Variants in ETS1 observed in about 807,000 individuals in gnomAD.
ETS1 encodes the protein protein C-ets-1.
A neutral mutation model predicts 58.6 loss-of-function variants in ETS1; 15 were observed. The ratio of observed to expected loss-of-function variants is 0.26; its 90% CI spans 0.17 to 0.39. ETS1 has a LOEUF of 0.39. Ranked by LOEUF, ETS1 falls within the 10% of genes least tolerant of loss-of-function variation. The pLI is 1.00. For missense variants in ETS1, 417 were observed against 610.5 expected, an observed-to-expected ratio of 0.68 and a Z score of 3.34; for synonymous variants, 214 against 218.2, an observed-to-expected ratio of 0.98 and a Z score of 0.17.
intron 1 of ETS1, among the ~76,000 whole-genome samples, chr11:128,585,065 A>G (rs1286242942): frequency 0.012 from 339 of 28,172 alleles, 73 homozygotes; most frequent in African/African-American, 0.014. Context: ...AGAAAGAAAG[A>G]AAGAAAGAAA....
At position 128,462,493 on chromosome 11, in the gene ETS1, G is replaced by A. The variant is rs963014531; in HGVS notation, c.1326C>T (p.Asp442=). 4 of 1,614,056 alleles carry A rather than the reference G, an allele frequency of 2.5e-6. No homozygotes were observed. Among genetic ancestry groups the A allele is most frequent in the African/African-American group, 2.7e-5 (2 of 74,932 alleles). ...KLSRGLRYYY[D]KNIIHKTAGK... is the part of the protein sequence containing the mutation. ...CCGCTGTCTTGTGGATGATGTTTTTGTCGTAATAGTAGCGTAGGCCACGGC... is the reference window on the plus strand; with the variant it reads ...CCGCTGTCTTGTGGATGATGTTTTTATCGTAATAGTAGCGTAGGCCACGGC... Residue 442 remains aspartate, a synonymous_variant, in exon 10 of 10, where the codon GAC becomes GAT. Transcript: ENST00000392668.
At chr11:128,557,544 A>T (rs1864331493) in intron 2 of ETS1, among the ~76,000 whole-genome samples, 1 of 152,228 alleles carries the variant, frequency 6.6e-6, no homozygotes, top group Non-Finnish European at 1.5e-5. Flanking sequence ...GATCCTTAAC[A>T]TTCCTGGAAA....
intron 3 of ETS1, among the ~76,000 whole-genome samples, chr11:128,511,794 T>C (rs971236955): frequency 1.3e-5 from 2 of 152,236 alleles, no homozygotes; most frequent in Non-Finnish European, 2.9e-5. Flanking sequence ...TGAACTCAAA[T>C]GTCAGGGGAT....
chr11:128,559,091 G>T (rs1489524900), intron 2 of ETS1, among the ~76,000 whole-genome samples: 2 of 152,220 alleles, frequency 1.3e-5, no homozygotes, highest in Non-Finnish European at 2.9e-5. Context: ...TCCTCGTAAA[G>T]TGGTAGTAGG....
At chr11:128,525,236 A>G (rs1046662713) in intron 3 of ETS1, among the ~76,000 whole-genome samples, 1 of 152,216 alleles carries the variant, frequency 6.6e-6, no homozygotes, top group Non-Finnish European at 1.5e-5. Flanking sequence ...GTTGGGGAAC[A>G]GAAGAGTGGA....
chr11:128,508,167 T>G (rs1326565522), intron 3 of ETS1, among the ~76,000 whole-genome samples: 1 of 152,140 alleles, frequency 6.6e-6, no homozygotes, highest in Non-Finnish European at 1.5e-5. Flanking sequence ...GTAACCAGGT[T>G]AATAGTAACC....
At chr11:128,509,716 A>C (rs1863342818) in intron 3 of ETS1, among the ~76,000 whole-genome samples, 1 of 152,170 alleles carries the variant, frequency 6.6e-6, no homozygotes, top group African/African-American at 2.4e-5. Flanking sequence ...TCTTAGAAGA[A>C]TGTTAGAAAG....
At position 128,462,387 on chromosome 11, in the gene ETS1, C is replaced by T; in HGVS notation, c.1432G>A (p.Asp478Asn). The stretch of plus-strand genomic sequence containing the variant: ...CACTCGTCGGCATCTGGCTTGACGT[C>T]CAGCATGGCGTGCAGCTCCTCAGGG... ...YTPEELHAMLDVKPDADE is the reference protein window; with the variant it reads ...YTPEELHAMLNVKPDADE The change falls in exon 10 of 10, where the codon GAC becomes AAC. Residue 478 changes from aspartate (D) to asparagine (N), a missense_variant. Asp to Asn is a conservative substitution (Grantham distance 23, BLOSUM62 1). Transcript: ENST00000392668. 1.2e-6 allele frequency: 2 copies of T among 1,613,738 alleles called. No individual in the cohort carries two copies. Among genetic ancestry groups the T allele is most frequent in the South Asian group, 1.1e-5 (1 of 91,078 alleles).
Position 128,463,676 on chromosome 11 carries a change from T to A in ETS1, c.1124-49A>T, listed in dbSNP as rs773404571. ...TCATTACACCAGATATTCAGCACTC[T>A]ACGCAGCTAATCCCCACACACGGCA... On this transcript the variant is annotated intron_variant, in intron 8 of 9. Coordinates refer to ENST00000392668, the MANE Select transcript of ETS1 (RefSeq NM_001143820.2). This position sits in a 1 kb window ranked among gnomAD's most constrained non-coding sequence, Gnocchi z 4.1. The A allele has an allele frequency of 1.2e-5, 12 of 1,030,260 alleles. No homozygotes were observed. The highest frequency in any genetic ancestry group is 1.7e-5 in the Non-Finnish European group (11 of 650,254). The allele number at this position is 1,030,260 out of a possible 1,614,324, so 63.8% of individuals were successfully genotyped here.
Position 128,459,888 on chromosome 11 carries a change from A to T in ETS1, c.*2473T>A, listed in dbSNP as rs1861858735. Reference sequence around the variant, plus strand: ...GCAGGAGTTATACTCACAGAAGGAGAGTTTCCGGCATAAATTTAATAGGAA... The same window carrying T: ...GCAGGAGTTATACTCACAGAAGGAGTGTTTCCGGCATAAATTTAATAGGAA... On this transcript the variant is annotated 3_prime_UTR_variant, in exon 10 of 10. Transcript: ENST00000392668. 6.6e-6 allele frequency: 1 copy of T among 152,344 alleles called. No homozygotes were observed. Among genetic ancestry groups the T allele is most frequent in the Non-Finnish European group, 1.5e-5 (1 of 68,034 alleles). The allele number at this position is 152,344 out of a possible 1,614,324, so 9.4% of individuals were successfully genotyped here.
rs68102701 is a variant in ETS1, at chr11:128,463,910, A to G, written c.1124-283T>C. ...ATTTTTATTGCTAAACAAATTCTAG[A>G]AAGAGAACACTGTGCCTATCCTCTG... On this transcript the variant is annotated intron_variant, in intron 8 of 9. Transcript: ENST00000392668. This position sits in a 1 kb window ranked among gnomAD's most constrained non-coding sequence, Gnocchi z 4.1. 0.09 allele frequency: 20,485 copies of G among 227,306 alleles called. 1,076 individuals are homozygous for G. The highest frequency in any genetic ancestry group is 0.19 in the South Asian group (2,552 of 13,446). The allele number at this position is 227,306 out of a possible 1,614,324, so 14.1% of individuals were successfully genotyped here.
At chr11:128,496,054 C>T (rs1428900368) in intron 3 of ETS1, among the ~76,000 whole-genome samples, 1 of 151,978 alleles carries the variant, frequency 6.6e-6, no homozygotes, top group Non-Finnish European at 1.5e-5. Flanking sequence ...TCATTTCACC[C>T]ACAAATATTT....
chr11:128,469,230 G>A (rs956035724), intron 8 of ETS1, among the ~76,000 whole-genome samples: 1 of 152,164 alleles, frequency 6.6e-6, no homozygotes, highest in African/African-American at 2.4e-5. Context: ...ACCTCGGTGT[G>A]GGCAGGACAC....
In ETS1 at chr11:128,460,546, AT is replaced by A. The variant is rs1179730379; in HGVS notation, c.*1814del. 9 of 152,366 alleles carry A rather than the reference AT, an allele frequency of 5.9e-5. No individual in the cohort carries two copies. Among genetic ancestry groups the A allele is most frequent in the African/African-American group, 1.9e-4 (8 of 41,462 alleles). The allele number at this position is 152,366 out of a possible 1,614,324, so 9.4% of individuals were successfully genotyped here. On this transcript the variant is annotated 3_prime_UTR_variant, in exon 10 of 10. Coordinates refer to ENST00000392668, the MANE Select transcript of ETS1 (RefSeq NM_001143820.2). ...TTCTTTCCTTCTCTCATGGAAGTCC[AT>A]AAAAGCCACCCCTCCTCCTTATCCT...
At chr11:128,533,259 G>A (rs1591647293) in intron 3 of ETS1, among the ~76,000 whole-genome samples, 1 of 152,150 alleles carries the variant, frequency 6.6e-6, no homozygotes, top group Non-Finnish European at 1.5e-5. Flanking sequence ...TCCCCACATC[G>A]CAATACACAA....
intron 2 of ETS1, among the ~76,000 whole-genome samples, chr11:128,559,281 T>C (rs1864366380): frequency 6.6e-6 from 1 of 152,180 alleles, no homozygotes; most frequent in Admixed American, 6.6e-5. Flanking sequence ...GGGAACAATG[T>C]GCAGAGGACA....
intron 8 of ETS1, among the ~76,000 whole-genome samples, chr11:128,478,455 G>GGAAGGAAGGAAGGAAGGAAGGAAGGA (rs1565371373): frequency 9.8e-6 from 1 of 102,294 alleles, no homozygotes; most frequent in East Asian, 2.9e-4. Context: ...GAGAGGGAGG[G>GGAAGGAAGGAAGGAAGGAAGGAAGGA]AGGAAGGAAG....
intron 8 of ETS1, among the ~76,000 whole-genome samples, chr11:128,465,343 G>A (rs996689761): frequency 1.3e-5 from 2 of 152,166 alleles, no homozygotes; most frequent in East Asian, 1.9e-4. Context: ...CCAGAGGGCC[G>A]CACTGGTAAA....
intron 1 of ETS1, among the ~76,000 whole-genome samples, chr11:128,582,075 G>T (rs751859790): frequency 6.6e-6 from 1 of 152,138 alleles, no homozygotes; most frequent in Non-Finnish European, 1.5e-5. Flanking sequence ...TAAACAGCTT[G>T]CTAGCATTCT....
Sources: gnomAD v4.1 joint callset for allele counts (sites outside exome capture counted in the v4.1 genomes callset) on GRCh38, gnomAD v4.1.1 for gene constraint, Gnocchi (gnomAD v3.1) non-coding constraint, MANE v1.5 for transcripts, NCBI Gene and HGNC (gene_info 2026-07-23, HGNC 2026-07-21) for gene names.